The following GOSR2 variants were observed in gnomAD, a reference collection of about 807,000 sequenced individuals.
GOSR2 encodes the protein golgi SNAP receptor complex member 2, also known as 27 kDa Golgi SNARE protein.
GOSR2 carries 20 observed loss-of-function variants against 27.9 expected under a neutral mutation model. That is an observed-to-expected ratio of 0.72 (90% CI 0.50 to 1.04). GOSR2 has a LOEUF of 1.04. Among genes scored for constraint, GOSR2 ranks in the 50% least tolerant of loss-of-function variants. GOSR2 has a pLI of 0.00. For synonymous variants in GOSR2, 91 were observed against 98.8 expected, an observed-to-expected ratio of 0.92 and a Z score of 0.47; for missense variants, 261 against 270.5, an observed-to-expected ratio of 0.97 and a Z score of 0.25.
chr17:46,951,434 G>A (rs1001171237), intron 6 of GOSR2, among the ~76,000 whole-genome samples: 6 of 152,174 alleles, frequency 3.9e-5, no homozygotes, highest in African/African-American at 1.2e-4. Flanking sequence ...CCCAGCTGCC[G>A]CGCCAGCCCA....
chr17:46,963,769 GT>G (rs928447921), intron 6 of GOSR2: 2 of 152,168 alleles, frequency 1.3e-5, no homozygotes, highest in Non-Finnish European at 2.9e-5. Context: ...AGAAGCTTGA[GT>G]TTTGGAGAGG....
At chr17:46,938,489 G>C in intron 5 of GOSR2, 110 bp from the exon 6 acceptor site, 1 of 1,551,512 alleles carries the variant, frequency 6.4e-7, no homozygotes, top group East Asian at 2.2e-5. Flanking sequence ...TGTATTCTGG[G>C]CATGACCAAG....
intron 6 of GOSR2, among the ~76,000 whole-genome samples, chr17:46,961,718 A>G (rs1444220369): frequency 6.6e-6 from 1 of 152,198 alleles, no homozygotes; most frequent in Non-Finnish European, 1.5e-5. Context: ...GACATAGAAA[A>G]TTTGCAAGCA....
chr17:46,950,475 C>T (rs1281582713), intron 6 of GOSR2, among the ~76,000 whole-genome samples: 1 of 152,192 alleles, frequency 6.6e-6, no homozygotes, highest in East Asian at 1.9e-4. Context: ...TTGCTTTTTC[C>T]TTCACACTTG....
intron 2 of GOSR2, chr17:46,930,798 G>T: frequency 3.4e-6 from 1 of 297,580 alleles, no homozygotes; most frequent in Non-Finnish European, 6.3e-6. Flanking sequence ...TATTTATTTG[G>T]ACAACCTTTG....
intron 3 of GOSR2, chr17:46,931,657 T>TCCCCCCCCCCCCC (rs2087404425): frequency 3.6e-6 from 1 of 279,390 alleles, no homozygotes. Context: ...CCTTGCCACC[T>TCCCCCCCCCCCCC]CCACCCCCAG....
intron 6 of GOSR2, chr17:46,963,610 T>A (rs141758105): frequency 4.9e-4 from 74 of 151,996 alleles, no homozygotes; most frequent in African/African-American, 1.7e-3. Context: ...ACACACTTCA[T>A]AACAAGCACT....
intron 6 of GOSR2, among the ~76,000 whole-genome samples, chr17:46,962,532 T>C (rs2091121196): frequency 6.6e-6 from 1 of 152,182 alleles, no homozygotes; most frequent in Admixed American, 6.5e-5. Flanking sequence ...TGGAAACTGC[T>C]TTTGCACTTT....
At chr17:46,975,070 G>A (rs907001124) in intron 6 of GOSR2, 1 of 140,594 alleles carries the variant, frequency 7.1e-6, no homozygotes, top group South Asian at 2.3e-4. Context: ...GAGTTCATAC[G>A]ATAAACAAAA....
intron 2 of GOSR2, 113 bp downstream of exon 2, chr17:46,929,697 G>A: frequency 1.4e-6 from 1 of 703,396 alleles, no homozygotes; most frequent in Non-Finnish European, 2.6e-6. Context: ...CGTGGAATGA[G>A]TTTTGTTGTT....
At chr17:46,961,308 C>A (rs1437097279) in intron 6 of GOSR2, among the ~76,000 whole-genome samples, 1 of 152,108 alleles carries the variant, frequency 6.6e-6, no homozygotes, top group Non-Finnish European at 1.5e-5. Context: ...GAGGCTGAGG[C>A]AGGAGGATCT....
chr17:46,946,669 C>G (rs1256329018), downstream of GOSR2, among the ~76,000 whole-genome samples: 1 of 152,122 alleles, frequency 6.6e-6, no homozygotes, highest in East Asian at 1.9e-4. Flanking sequence ...TCGAGACCAG[C>G]CTGGCCAACA....
chr17:46,955,764 C>T (rs1306057463), intron 6 of GOSR2: 1 of 152,270 alleles, frequency 6.6e-6, no homozygotes, highest in Non-Finnish European at 1.5e-5. Flanking sequence ...TTTGTTAACA[C>T]TTTGATTCAG....
chr17:46,931,859 T>C, intron 3 of GOSR2: 1 of 605,720 alleles, frequency 1.7e-6, no homozygotes, highest in South Asian at 1.9e-5. Context: ...GCTGGAATCT[T>C]GTGTGCTACC....
chr17:46,968,516 T>A (rs1006984454), downstream of GOSR2, among the ~76,000 whole-genome samples: 1 of 152,208 alleles, frequency 6.6e-6, no homozygotes, highest in Non-Finnish European at 1.5e-5. Context: ...GCCCCTGCCA[T>A]GGGAAGAGCA....
At chr17:46,970,820 G>C (rs1373671252), downstream of GOSR2, among the ~76,000 whole-genome samples, 1 of 152,224 alleles carries the variant, frequency 6.6e-6, no homozygotes, top group Non-Finnish European at 1.5e-5. Flanking sequence ...ATGAACCTTT[G>C]TCATCATACA....
downstream of GOSR2, among the ~76,000 whole-genome samples, chr17:46,944,819 C>T (rs1338788281): frequency 6.6e-6 from 1 of 152,000 alleles, no homozygotes; most frequent in Non-Finnish European, 1.5e-5. Flanking sequence ...AGGCTGGTCT[C>T]GAACTCCTGA....
rs2089111965 is a variant in GOSR2 at position 46,940,479 on chromosome 17, G to A, written c.*1719G>A. 1.2e-6 allele frequency: 2 copies of A among 1,612,604 alleles called. No homozygotes were observed. Among genetic ancestry groups the A allele is most frequent in the East Asian group, 2.2e-5 (1 of 44,876 alleles). Reference sequence around the variant, plus strand: ...ACACACAGCACTGCTGCGGTGCCAGGGACCTAGCGCAGGACTTTTGGTAAT... The same window carrying A: ...ACACACAGCACTGCTGCGGTGCCAGAGACCTAGCGCAGGACTTTTGGTAAT... On this transcript the variant is annotated 3_prime_UTR_variant, in exon 6 of 6. Transcript: ENST00000640051.
chr17:46,944,295 C>G (rs1040003178), downstream of GOSR2, among the ~76,000 whole-genome samples: 1 of 152,234 alleles, frequency 6.6e-6, no homozygotes. Flanking sequence ...GTGGTAAGAG[C>G]GCTGAGCCCA....
Sources: allele counts gnomAD v4.1 joint callset (sites outside exome capture counted in the v4.1 genomes callset), GRCh38; gene constraint gnomAD v4.1.1; transcripts MANE v1.5; gene names NCBI Gene and HGNC (gene_info 2026-07-23, HGNC 2026-07-21).